Variants in ZNF536 observed in about 807,000 individuals in gnomAD.
ZNF536 encodes the protein zinc finger protein 536.
ZNF536 carries 13 observed loss-of-function variants against 84.5 expected under a neutral mutation model. The ratio of observed to expected loss-of-function variants is 0.15; its 90% CI spans 0.10 to 0.24. The LOEUF (loss-of-function observed/expected upper bound fraction) is 0.24. Ranked by LOEUF, ZNF536 falls within the 10% of genes least tolerant of loss-of-function variation. The pLI is 1.00. For missense variants in ZNF536, 1,536 were observed against 1,747.5 expected (o/e 0.88, Z 2.16); for synonymous variants, 811 against 742.5 (o/e 1.09, Z -1.50).
At chr19:30,674,171 G>T (rs2050668630) in intron 1 of ZNF536, among the ~76,000 whole-genome samples, 1 of 152,218 alleles carries the variant, frequency 6.6e-6, no homozygotes, top group Non-Finnish European at 1.5e-5. Context: ...CAGGTTGGCG[G>T]GGTGACAGCA....
intron 2 of ZNF536, among the ~76,000 whole-genome samples, chr19:30,331,985 G>C (rs1198791771): frequency 6.6e-6 from 1 of 152,002 alleles, no homozygotes; most frequent in Non-Finnish European, 1.5e-5. Flanking sequence ...CTTCAGTCCC[G>C]GGTGAACTCA....
At chr19:30,509,121 C>T (rs2145484943) in intron 2 of ZNF536, among the ~76,000 whole-genome samples, 1 of 151,182 alleles carries the variant, frequency 6.6e-6, no homozygotes, top group African/African-American at 2.4e-5. Flanking sequence ...AGGCATGAGC[C>T]ACCATGCCTG....
At chr19:30,239,845 T>C (rs1183394987) in intron 1 of ZNF536, among the ~76,000 whole-genome samples, 1 of 152,128 alleles carries the variant, frequency 6.6e-6, no homozygotes. Flanking sequence ...TGAAGCTGTA[T>C]TTGAACACCT....
At chr19:30,650,998 A>G (rs1293871579) in intron 1 of ZNF536, among the ~76,000 whole-genome samples, 1 of 152,222 alleles carries the variant, frequency 6.6e-6, no homozygotes, top group East Asian at 1.9e-4. Flanking sequence ...ATCGAGGCAG[A>G]CATAATTCAA....
chr19:30,571,344 A>G (rs1384220181), intron 1 of ZNF536, among the ~76,000 whole-genome samples: 1 of 152,020 alleles, frequency 6.6e-6, no homozygotes, highest in Non-Finnish European at 1.5e-5. Flanking sequence ...TCTGCTCGGG[A>G]CTTCAGTGAA....
At chr19:30,399,780 C>T (rs567363617) in intron 1 of ZNF536, among the ~76,000 whole-genome samples, 23 of 151,508 alleles carry the variant, frequency 1.5e-4, no homozygotes, top group Middle Eastern at 3.4e-3. Flanking sequence ...CTCCGCCTCC[C>T]GGGTTCAAGC....
In ZNF536 at chr19:30,445,781, T is replaced by C. The variant is rs2148239206; in HGVS notation, c.2170+49T>C. 1 of 1,514,868 alleles carries C rather than the reference T, an allele frequency of 6.6e-7. No homozygotes were observed. The highest frequency in any genetic ancestry group is 2.2e-5 in the Admixed American group (1 of 44,642). 93.8% of individuals were successfully genotyped at this position (1,514,868 alleles called of 1,614,324 possible). ...GAAGCAGCTTGTACAGCAGCCCTGCTCAGGGCTGCCTGGTTCTGCTCCCAG... is the reference window on the plus strand; with the variant it reads ...GAAGCAGCTTGTACAGCAGCCCTGCCCAGGGCTGCCTGGTTCTGCTCCCAG... On this transcript the variant is annotated intron_variant, in intron 2 of 4. Transcript: ENST00000355537. This position sits in a 1 kb window ranked among gnomAD's most constrained non-coding sequence, Gnocchi z 4.5.
rs1208258334 is a variant in ZNF536, at chr19:30,451,073, GGCCCGTC to G, written c.2170+5342_2170+5348del. ...CTGTGCCCAGGCGGACGCCGGCCAAGGCCCGTCCCCTGAGCTGAGAGCCGAGAGCTGA... is the reference window on the plus strand; with the variant it reads ...CTGTGCCCAGGCGGACGCCGGCCAAGCCCTGAGCTGAGAGCCGAGAGCTGA... On this transcript the variant is annotated intron_variant, in intron 2 of 4. Transcript: ENST00000355537. Among the ~76,000 whole-genome samples the G allele has an allele frequency of 2.0e-5, 3 of 152,396 alleles. No homozygotes were observed. In the East Asian group the frequency reaches 5.8e-4, roughly 29 times the overall value.
intron 1 of ZNF536, among the ~76,000 whole-genome samples, chr19:30,261,985 G>T (rs2025250871): frequency 1.3e-5 from 2 of 152,126 alleles, no homozygotes; most frequent in African/African-American, 4.8e-5. Flanking sequence ...TCAGGCTGCT[G>T]GTGGGTGCAC....
At chr19:30,268,190 A>G (rs997264516) in intron 1 of ZNF536, among the ~76,000 whole-genome samples, 1 of 151,632 alleles carries the variant, frequency 6.6e-6, no homozygotes, top group Non-Finnish European at 1.5e-5. Flanking sequence ...CCCGCGTTGT[A>G]ATTGGTAGGC....
intron 1 of ZNF536, among the ~76,000 whole-genome samples, chr19:30,232,642 A>G (rs1309481607): frequency 1.3e-5 from 2 of 152,200 alleles, no homozygotes; most frequent in Non-Finnish European, 2.9e-5. Flanking sequence ...TGCTACTATA[A>G]GCAGCATCAA....
intron 2 of ZNF536, among the ~76,000 whole-genome samples, chr19:30,464,246 T>G (rs2053284000): frequency 6.6e-6 from 1 of 152,078 alleles, no homozygotes; most frequent in Non-Finnish European, 1.5e-5. Flanking sequence ...CCTGGGGCGA[T>G]GGGGGTGGAA....
intron 2 of ZNF536, among the ~76,000 whole-genome samples, chr19:30,466,323 C>T (rs1046413276): frequency 6.6e-6 from 1 of 151,588 alleles, no homozygotes; most frequent in Non-Finnish European, 1.5e-5. Context: ...AGGAGGATCA[C>T]TTGATCCCAG....
chr19:30,446,248 C>CAAAAAAAAAAAAAAAAAA (rs1177505634), intron 2 of ZNF536, among the ~76,000 whole-genome samples: 18 of 29,154 alleles, frequency 6.2e-4, no homozygotes, highest in South Asian at 2.5e-3. Flanking sequence ...GACACTGTCT[C>CAAAAAAAAAAAAAAAAAA]AAAAAAAAAA....
downstream of ZNF536, among the ~76,000 whole-genome samples, chr19:30,559,574 C>T (rs150953390): frequency 3.9e-3 from 597 of 152,298 alleles, no homozygotes; most frequent in Middle Eastern, 0.017. Context: ...ATGTACACCC[C>T]GCTGCCCACT....
At chr19:30,402,603 A>G (rs1171752157) in intron 1 of ZNF536, among the ~76,000 whole-genome samples, 2 of 151,210 alleles carry the variant, frequency 1.3e-5, no homozygotes, top group Non-Finnish European at 1.5e-5. Context: ...GCCTTTTTTC[A>G]CCGGGAACCC....
At chr19:30,685,133 C>G (rs1448894382) in intron 1 of ZNF536, among the ~76,000 whole-genome samples, 1 of 152,158 alleles carries the variant, frequency 6.6e-6, no homozygotes, top group African/African-American at 2.4e-5. Context: ...GGGTCTTTAT[C>G]AAATCCTTTG....
At chr19:30,426,779 G>C (rs974082996) in intron 1 of ZNF536, among the ~76,000 whole-genome samples, 1 of 152,166 alleles carries the variant, frequency 6.6e-6, no homozygotes, top group African/African-American at 2.4e-5. Context: ...AGAGGTGAGC[G>C]TGGGGCCCGG....
At chr19:30,392,436 G>A (rs1198003025) in intron 1 of ZNF536, among the ~76,000 whole-genome samples, 3 of 152,182 alleles carry the variant, frequency 2.0e-5, no homozygotes, top group Non-Finnish European at 4.4e-5. Context: ...GAGAAGGGTT[G>A]GAAGGGCTGG....
Sources: gnomAD v4.1 joint callset for allele counts (sites outside exome capture counted in the v4.1 genomes callset) on GRCh38, gnomAD v4.1.1 for gene constraint, Gnocchi (gnomAD v3.1) non-coding constraint, MANE v1.5 for transcripts, NCBI Gene and HGNC (gene_info 2026-07-23, HGNC 2026-07-21) for gene names.